The following SESTD1 variants were observed in gnomAD, a reference collection of about 807,000 sequenced individuals.
The protein encoded by SESTD1 is SEC14 and spectrin domain containing 1, also known as SEC14 domain and spectrin repeat-containing protein 1.
Under a neutral mutation model 101.7 loss-of-function variants are expected in SESTD1, and 43 were observed. The observed-to-expected ratio is 0.42, with a 90% CI of 0.33 to 0.55. The LOEUF is 0.55. Among genes scored for constraint, SESTD1 ranks in the 20% least tolerant of loss-of-function variants. SESTD1 has a pLI of 0.07. For synonymous variants in SESTD1, 283 were observed against 286.8 expected (o/e 0.99, Z 0.13); for missense variants, 647 against 815.1 (o/e 0.79, Z 2.51).
chr2:179,114,218 T>C (rs911474830), intron 16 of SESTD1, among the ~76,000 whole-genome samples: 1 of 152,316 alleles, frequency 6.6e-6, no homozygotes, highest in Non-Finnish European at 1.5e-5. Flanking sequence ...CGGAGTTCAA[T>C]GACCAGCTGA....
rs2046693282 is a variant in SESTD1, at chr2:179,214,580, G to A, written c.-25-22714C>T. 1.5e-5 allele frequency among the ~76,000 whole-genome samples: 2 copies of A among 134,018 alleles called. 1 individual carries two copies. The highest frequency in any genetic ancestry group is 1.4e-4 in the Admixed American group (2 of 13,856). 87.9% of individuals were successfully genotyped at this position (134,018 alleles called of 152,430 possible). A position where few individuals can be genotyped will look rare whatever the true frequency, so the allele number is the denominator to read the frequency against. ...CACTGTCAATACTGGACGGATCAAC[G>A]AGACAGAAAGTTAACAAGGATATCC... On this transcript the variant is annotated intron_variant, in intron 1 of 17. Coordinates refer to ENST00000428443, the MANE Select transcript of SESTD1 (RefSeq NM_178123.5).
chr2:179,116,646 A>C (rs761735275), intron 15 of SESTD1, 22 bp downstream of exon 15: 1 of 1,614,022 alleles, frequency 6.2e-7, no homozygotes, highest in East Asian at 2.2e-5. Flanking sequence ...CTTGTGGAAA[A>C]GGAAGATAAC....
intron 1 of SESTD1, among the ~76,000 whole-genome samples, chr2:179,251,842 C>CA (rs1176725703): frequency 6.6e-6 from 1 of 152,120 alleles, no homozygotes; most frequent in African/African-American, 2.4e-5. Context: ...TCACCAGATA[C>CA]AAAATCTGCC....
At chr2:179,198,807 T>C (rs1241196311) in intron 1 of SESTD1, among the ~76,000 whole-genome samples, 2 of 150,498 alleles carry the variant, frequency 1.3e-5, no homozygotes, top group Admixed American at 1.3e-4. Context: ...TTCAAAGCAG[T>C]GTGTAGAGGG....
chr2:179,199,054 G>A (rs1221854943), intron 1 of SESTD1, among the ~76,000 whole-genome samples: 2 of 151,966 alleles, frequency 1.3e-5, no homozygotes, highest in Non-Finnish European at 2.9e-5. Context: ...TTGATAGAGC[G>A]CTAGCAAGAC....
chr2:179,179,652 C>T (rs922828141), intron 3 of SESTD1, among the ~76,000 whole-genome samples: 5 of 152,176 alleles, frequency 3.3e-5, no homozygotes, highest in African/African-American at 1.2e-4. Flanking sequence ...TTACAAATGT[C>T]CTGGCAGCTT....
At chr2:179,234,088 A>T (rs969118500) in intron 1 of SESTD1, among the ~76,000 whole-genome samples, 2 of 152,222 alleles carry the variant, frequency 1.3e-5, no homozygotes, top group Non-Finnish European at 2.9e-5. Context: ...TCATCAAATC[A>T]GTTGAAAGCA....
intron 1 of SESTD1, among the ~76,000 whole-genome samples, chr2:179,223,898 T>C (rs2046847627): frequency 6.6e-6 from 1 of 152,236 alleles, no homozygotes; most frequent in African/African-American, 2.4e-5. Flanking sequence ...AAAGGTCTTA[T>C]ATCTTAGGGT....
chr2:179,243,492 G>C (rs2047184188), intron 1 of SESTD1, among the ~76,000 whole-genome samples: 1 of 152,038 alleles, frequency 6.6e-6, no homozygotes, highest in African/African-American at 2.4e-5. Context: ...CAATAGCAAA[G>C]ACATGGAATC....
intron 8 of SESTD1, among the ~76,000 whole-genome samples, chr2:179,144,217 T>C (rs191661523): frequency 6.4e-4 from 97 of 152,182 alleles, no homozygotes; most frequent in South Asian, 5.0e-3. Context: ...AATTATACTG[T>C]GGGATTTCTG....
intron 1 of SESTD1, among the ~76,000 whole-genome samples, chr2:179,200,598 A>C (rs1000215131): frequency 2.0e-5 from 3 of 152,086 alleles, no homozygotes; most frequent in African/African-American, 7.3e-5. Context: ...AACCGAATAG[A>C]GCTCTCAGAA....
At chr2:179,184,436 C>T (rs62177285) in intron 2 of SESTD1, among the ~76,000 whole-genome samples, 8,461 of 152,158 alleles carry the variant, frequency 0.056, 322 homozygotes, top group South Asian at 0.14. Context: ...ATTAGGTCAA[C>T]GATTACTGCC....
chr2:179,195,127 CAGA>C lies in SESTD1; in HGVS notation c.-25-3264_-25-3262del, dbSNP rs1012485864. On this transcript the variant is annotated intron_variant, in intron 1 of 17. Coordinates refer to ENST00000428443, the MANE Select transcript of SESTD1 (RefSeq NM_178123.5). ...CTTCTCCAAGTAAGTGTTCTTGATG[CAGA>C]AGGACAGGCCACCGGATATGGTTTG... Among the ~76,000 whole-genome samples, 152 of 152,314 alleles carry C rather than the reference CAGA, an allele frequency of 1.0e-3. 1 individual carries two copies. The highest frequency in any genetic ancestry group is 3.2e-3 in the African/African-American group (132 of 41,574).
chr2:179,246,831 A>C (rs1170062501), intron 1 of SESTD1, among the ~76,000 whole-genome samples: 1 of 152,248 alleles, frequency 6.6e-6, no homozygotes, highest in Non-Finnish European at 1.5e-5. Context: ...TTAGTAACCA[A>C]GTAACATTTC....
intron 10 of SESTD1, among the ~76,000 whole-genome samples, chr2:179,125,478 C>G (rs1198165590): frequency 6.6e-6 from 1 of 152,158 alleles, no homozygotes; most frequent in African/African-American, 2.4e-5. Flanking sequence ...ACCAGAGTAG[C>G]CGAACATGGG....
intron 2 of SESTD1, among the ~76,000 whole-genome samples, chr2:179,188,558 A>G (rs1461349225): frequency 6.6e-6 from 1 of 152,096 alleles, no homozygotes; most frequent in African/African-American, 2.4e-5. Flanking sequence ...AGGATCGCTT[A>G]AGCTCAGGAG....
chr2:179,111,936 G>GT (rs1377134212), intron 17 of SESTD1, among the ~76,000 whole-genome samples: 3 of 152,008 alleles, frequency 2.0e-5, no homozygotes, highest in Non-Finnish European at 4.4e-5. Flanking sequence ...AGCCAGGATG[G>GT]TCTCCATCTC....
chr2:179,222,614 ATACT>A (rs2046830241), intron 1 of SESTD1, among the ~76,000 whole-genome samples: 1 of 152,178 alleles, frequency 6.6e-6, no homozygotes, highest in Non-Finnish European at 1.5e-5. Flanking sequence ...CCTCATATTA[ATACT>A]TATATATGAT....
chr2:179,241,854 G>A lies in SESTD1; in HGVS notation c.-26+22645C>T, dbSNP rs371575332. The stretch of plus-strand genomic sequence containing the variant: ...GGAGAATGGCATGAACCCAGGAGGC[G>A]GAGCCTGCAGTGAGCTGAGATCATG... On this transcript the variant is annotated intron_variant, in intron 1 of 17. Transcript: ENST00000428443. Among the ~76,000 whole-genome samples the A allele has an allele frequency of 9.2e-5, 14 of 151,738 alleles. No homozygotes were observed. In the South Asian group the frequency reaches 2.5e-3, roughly 27 times the overall value.
Sources: gnomAD v4.1 joint callset for allele counts (sites outside exome capture counted in the v4.1 genomes callset) on GRCh38, gnomAD v4.1.1 for gene constraint, MANE v1.5 for transcripts, NCBI Gene and HGNC (gene_info 2026-07-23, HGNC 2026-07-21) for gene names.